Variants in IQSEC1 observed in about 807,000 individuals in gnomAD.
IQSEC1 encodes the protein IQ motif and SEC7 domain-containing protein 1.
Under a neutral mutation model 91.0 loss-of-function variants are expected in IQSEC1, and 31 were observed. That is an observed-to-expected ratio of 0.34 (90% CI 0.26 to 0.46). The LOEUF (loss-of-function observed/expected upper bound fraction) is 0.46. Ranked by LOEUF, IQSEC1 falls within the 20% of genes least tolerant of loss-of-function variation. The pLI, the probability that IQSEC1 is intolerant of heterozygous loss-of-function variation, is 1.00. For missense variants in IQSEC1, 1,388 were observed against 1,575.6 expected, an observed-to-expected ratio of 0.88 and a Z score of 2.02; for synonymous variants, 699 against 662.6, an observed-to-expected ratio of 1.05 and a Z score of -0.84.
In IQSEC1 at chr3:12,909,141, C is replaced by T; in HGVS notation, c.2578+132G>A. ...GAACACAGACTGCCCCATCATGTGG[C>T]CATAGGGAAGGCCAGAAAAGACTGG... On this transcript the variant is annotated intron_variant, in intron 11 of 13. Coordinates refer to ENST00000613206, the MANE Select transcript of IQSEC1 (RefSeq NM_001134382.3). The surrounding 1 kb of genome is among the most constrained non-coding windows in gnomAD (Gnocchi z 4.9). 1 of 948,602 alleles carries T rather than the reference C, an allele frequency of 1.1e-6. No individual in the cohort carries two copies. The highest frequency in any genetic ancestry group is 1.6e-6 in the Non-Finnish European group (1 of 618,582). 58.8% of individuals were successfully genotyped at this position (948,602 alleles called of 1,614,324 possible).
At chr3:12,916,277 G>A (rs1446232086) in intron 6 of IQSEC1, among the ~76,000 whole-genome samples, 1 of 152,210 alleles carries the variant, frequency 6.6e-6, no homozygotes, top group Non-Finnish European at 1.5e-5. Context: ...GGGGCGCCTG[G>A]GGCGTGCCCA....
At chr3:13,084,229 G>A (rs894726001) in intron 2 of IQSEC1, among the ~76,000 whole-genome samples, 4 of 152,168 alleles carry the variant, frequency 2.6e-5, no homozygotes, top group African/African-American at 9.7e-5. Context: ...GCCTGGCTAA[G>A]TAAGGCGTGG....
Position 12,936,176 on chromosome 3 carries a change from G to C in IQSEC1, c.840C>G (p.Asp280Glu). 1 of 1,612,860 alleles carries C rather than the reference G, an allele frequency of 6.2e-7. No individual in the cohort carries two copies. Residue 280 changes from aspartate (D) to glutamate (E), a missense_variant, in exon 3 of 14, where the codon GAC becomes GAG. This residue lies in a region of IQSEC1 where 1,059 missense variants were observed against 1,317.8 expected (regional missense o/e 0.80). Coordinates refer to ENST00000613206, the MANE Select transcript of IQSEC1 (RefSeq NM_001134382.3). ...CATCACTGTACGAGGCCGTCATCTC[G>C]TCCAGTTTGCGGTGGTCCATGCCGT... ...ALHGMDHRKL[D>E]EMTASYSDVT...
In IQSEC1 at chr3:12,913,422, A is replaced by G; in HGVS notation, c.2316+6T>C. 4 of 1,588,314 alleles carry G rather than the reference A, an allele frequency of 2.5e-6. No individual in the cohort carries two copies. Among genetic ancestry groups the G allele is most frequent in the Non-Finnish European group, 3.4e-6 (4 of 1,164,606 alleles). ...TGCTACAATGCCTTGTGGGTGAGCCACATACCACCAGGAGGTCGTTGAACA... is the reference window on the plus strand; with the variant it reads ...TGCTACAATGCCTTGTGGGTGAGCCGCATACCACCAGGAGGTCGTTGAACA... On this transcript the variant is annotated splice_donor_region_variant and intron_variant, in intron 9 of 13. Transcript: ENST00000613206.
Position 12,936,107 on chromosome 3 carries a change from G to GGGCAGAGGGGGCGACAGC in IQSEC1, c.891_908dup (p.Pro300_Ser305dup). 2 of 1,611,392 alleles carry GGGCAGAGGGGGCGACAGC rather than the reference G, an allele frequency of 1.2e-6. No individual in the cohort carries two copies. Among genetic ancestry groups the GGGCAGAGGGGGCGACAGC allele is most frequent in the Non-Finnish European group, 1.7e-6 (2 of 1,179,800 alleles). On this transcript the variant is annotated inframe_insertion, in exon 3 of 14. Coordinates refer to ENST00000613206, the MANE Select transcript of IQSEC1 (RefSeq NM_001134382.3). ...ACGGCCGGTCCCCTGCCTGCGAGAG[G>GGGCAGAGGGGGCGACAGC]GGCAGAGGGGGCGACAGCTCCTCCT...
chr3:13,083,980 G>A (rs1360579736), intron 2 of IQSEC1, among the ~76,000 whole-genome samples: 2 of 152,238 alleles, frequency 1.3e-5, no homozygotes, highest in Non-Finnish European at 2.9e-5. Context: ...CCTTCCCCAG[G>A]GAGGTGAGGG....
chr3:12,926,525 A>G (rs1056132226), intron 3 of IQSEC1, among the ~76,000 whole-genome samples: 1 of 152,238 alleles, frequency 6.6e-6, no homozygotes, highest in African/African-American at 2.4e-5. Context: ...CTCCAGGGAC[A>G]CGTGCTTCCT....
intron 1 of IQSEC1, among the ~76,000 whole-genome samples, chr3:13,188,583 C>T (rs1207077916): frequency 6.6e-6 from 1 of 152,240 alleles, no homozygotes; most frequent in South Asian, 2.1e-4. Flanking sequence ...ACAGCTCTTA[C>T]GAGGCAAACC....
At chr3:13,067,345 C>T (rs1209848343) in intron 1 of IQSEC1, among the ~76,000 whole-genome samples, 3 of 152,210 alleles carry the variant, frequency 2.0e-5, no homozygotes, top group African/African-American at 7.2e-5. Flanking sequence ...GCTTAGCCAG[C>T]ACCCAGGAGC....
At chr3:13,112,010 C>G (rs147991658) in intron 2 of IQSEC1, among the ~76,000 whole-genome samples, 25 of 152,288 alleles carry the variant, frequency 1.6e-4, no homozygotes, top group African/African-American at 5.8e-4. Context: ...CTTGCCCCAG[C>G]CCCTGCACCC....
intron 1 of IQSEC1, among the ~76,000 whole-genome samples, chr3:13,278,756 T>G (rs1053631652): frequency 8.6e-5 from 13 of 152,038 alleles, no homozygotes; most frequent in Admixed American, 8.5e-4. Flanking sequence ...GAGGCGGAAC[T>G]TTCAGTGAGC....
At chr3:13,002,282 G>C (rs1702451472) in intron 1 of IQSEC1, among the ~76,000 whole-genome samples, 1 of 152,144 alleles carries the variant, frequency 6.6e-6, no homozygotes, top group South Asian at 2.1e-4. Flanking sequence ...GTTATACAAT[G>C]ATTTCTTAGA....
chr3:12,959,276 A>G (rs1205951139), intron 1 of IQSEC1, among the ~76,000 whole-genome samples: 2 of 152,212 alleles, frequency 1.3e-5, no homozygotes, highest in Non-Finnish European at 2.9e-5. Flanking sequence ...GCAGGGGCGC[A>G]GCCTGGCTAC....
intron 1 of IQSEC1, among the ~76,000 whole-genome samples, chr3:12,981,528 A>G (rs1304310647): frequency 6.6e-6 from 1 of 152,204 alleles, no homozygotes; most frequent in Non-Finnish European, 1.5e-5. Flanking sequence ...TCACTCCCCA[A>G]GTAGAAACAA....
intron 1 of IQSEC1, among the ~76,000 whole-genome samples, chr3:13,182,896 G>A (rs1693869066): frequency 6.6e-6 from 1 of 152,224 alleles, no homozygotes; most frequent in South Asian, 2.1e-4. Context: ...CGGTCGCAGT[G>A]GCTCACGCCT....
At chr3:12,930,356 G>A (rs988576681) in intron 3 of IQSEC1, among the ~76,000 whole-genome samples, 3 of 152,232 alleles carry the variant, frequency 2.0e-5, no homozygotes, top group Non-Finnish European at 4.4e-5. Flanking sequence ...AGATGTGGAA[G>A]TGGATGGATG....
At chr3:13,197,894 C>T (rs373605977) in intron 1 of IQSEC1, among the ~76,000 whole-genome samples, 5 of 152,208 alleles carry the variant, frequency 3.3e-5, no homozygotes, top group African/African-American at 1.2e-4. Context: ...TCTTGGAGGG[C>T]CTGAGTGGCC....
At chr3:12,969,700 C>T (rs1241392196) in intron 1 of IQSEC1, among the ~76,000 whole-genome samples, 3 of 152,198 alleles carry the variant, frequency 2.0e-5, no homozygotes, top group East Asian at 1.9e-4. Context: ...CCTCACCATC[C>T]GGATTGTCCA....
chr3:13,128,276 A>C lies in IQSEC1; in HGVS notation c.302+35828T>G, dbSNP rs941613596. Among the ~76,000 whole-genome samples the C allele has an allele frequency of 6.6e-5, 10 of 152,326 alleles. No homozygotes were observed. The South Asian group carries it at 2.1e-3, about 32-fold the overall frequency. On this transcript the variant is annotated intron_variant, in intron 2 of 15. Coordinates refer to the IQSEC1 transcript ENST00000648114. ...AGAAAGTGTTCAGTCTGTCATCTTT[A>C]ATATACTAATGATGCTATCAGTAGG...
Sources: gnomAD v4.1 joint callset for allele counts (sites outside exome capture counted in the v4.1 genomes callset) on GRCh38, gnomAD v4.1.1 for gene constraint, gnomAD v4.1.1 regional missense constraint, Gnocchi (gnomAD v3.1) non-coding constraint, MANE v1.5 for transcripts, NCBI Gene and HGNC (gene_info 2026-07-23, HGNC 2026-07-21) for gene names.